VAV3: variants seen among roughly 807,000 people sequenced by gnomAD.
VAV3 encodes the protein vav guanine nucleotide exchange factor 3, also known as guanine nucleotide exchange factor VAV3.
VAV3 carries 94 observed loss-of-function variants against 131.2 expected under a neutral mutation model. That is an observed-to-expected ratio of 0.72 (90% CI 0.61 to 0.85). VAV3 has a LOEUF of 0.85. Among genes scored for constraint, VAV3 ranks in the 40% least tolerant of loss-of-function variants. The probability of loss-of-function intolerance (pLI) is 0.00; values close to 1 mark genes in which losing one functional copy is unlikely to be tolerated. For synonymous variants in VAV3, 349 were observed against 342.0 expected (o/e 1.02, Z -0.22); for missense variants, 939 against 1,002.7 (o/e 0.94, Z 0.86).
At chr1:107,815,260 G>A in intron 2 of VAV3, among the ~76,000 whole-genome samples, 1 of 152,136 alleles carries the variant, frequency 6.6e-6, no homozygotes, top group Non-Finnish European at 1.5e-5. Flanking sequence ...CTATGACCTT[G>A]ACTCAAGACC....
intron 25 of VAV3, among the ~76,000 whole-genome samples, chr1:107,589,049 ACTGACTGC>A (rs1366650225): frequency 1.3e-5 from 2 of 152,194 alleles, no homozygotes; most frequent in Non-Finnish European, 2.9e-5. Flanking sequence ...AATCTCATTC[ACTGACTGC>A]CTGACTGCTG....
chr1:107,606,264 C>A (rs1481510768), intron 22 of VAV3, among the ~76,000 whole-genome samples: 1 of 152,034 alleles, frequency 6.6e-6, no homozygotes, highest in Non-Finnish European at 1.5e-5. Flanking sequence ...AATTATTTTG[C>A]CTCTCAAATA....
chr1:107,887,699 T>C (rs1209112517), intron 1 of VAV3, among the ~76,000 whole-genome samples: 2 of 152,160 alleles, frequency 1.3e-5, no homozygotes, highest in African/African-American at 4.8e-5. Flanking sequence ...CCAGGGTGTA[T>C]AAGTGCCACT....
intron 1 of VAV3, among the ~76,000 whole-genome samples, chr1:107,935,063 C>T (rs1054285589): frequency 6.6e-6 from 1 of 152,158 alleles, no homozygotes; most frequent in African/African-American, 2.4e-5. Context: ...GGCAAGTTTC[C>T]GGTTGGCAAA....
intron 1 of VAV3, among the ~76,000 whole-genome samples, chr1:107,940,212 T>C (rs1205865087): frequency 1.3e-5 from 2 of 152,216 alleles, no homozygotes; most frequent in Non-Finnish European, 2.9e-5. Context: ...GTATAGTTCC[T>C]TCAGAGCCTC....
chr1:107,757,682 T>C lies in VAV3; in HGVS notation c.1018-353A>G, dbSNP rs188013475. Reference sequence around the variant, plus strand: ...GGCTTCAGCTTTTGATTCTTTTAACTGCATCCCTCCTTTCATTTCAGGGAC... The same window carrying C: ...GGCTTCAGCTTTTGATTCTTTTAACCGCATCCCTCCTTTCATTTCAGGGAC... On this transcript the variant is annotated intron_variant, in intron 10 of 26. Transcript: ENST00000370056. Among the ~76,000 whole-genome samples the C allele has an allele frequency of 3.3e-5, 5 of 152,340 alleles. No individual in the cohort carries two copies. The East Asian group carries it at 5.8e-4, about 18-fold the overall frequency.
At chr1:107,698,851 A>G (rs1659902759) in intron 17 of VAV3, among the ~76,000 whole-genome samples, 1 of 152,192 alleles carries the variant, frequency 6.6e-6, no homozygotes, top group Non-Finnish European at 1.5e-5. Context: ...CAGAGCAGGG[A>G]AAACTGCCTT....
At chr1:107,925,795 C>A (rs1021641701) in intron 1 of VAV3, among the ~76,000 whole-genome samples, 1 of 151,372 alleles carries the variant, frequency 6.6e-6, no homozygotes, top group Non-Finnish European at 1.5e-5. Context: ...ATACTTAATG[C>A]TATTGAACTA....
At chr1:107,943,439 C>T (rs1279705008) in intron 1 of VAV3, among the ~76,000 whole-genome samples, 4 of 152,210 alleles carry the variant, frequency 2.6e-5, no homozygotes, top group Non-Finnish European at 1.5e-5. Flanking sequence ...CTTGGCTTGT[C>T]TCTCACAATT....
intron 19 of VAV3, among the ~76,000 whole-genome samples, chr1:107,676,200 T>TC (rs1442873019): frequency 1.3e-5 from 2 of 152,200 alleles, no homozygotes; most frequent in Admixed American, 1.3e-4. Context: ...ACAAGCTAGT[T>TC]CAATCCCACT....
intron 1 of VAV3, among the ~76,000 whole-genome samples, chr1:107,894,813 T>C (rs1414646847): frequency 6.6e-6 from 1 of 152,196 alleles, no homozygotes; most frequent in Non-Finnish European, 1.5e-5. Flanking sequence ...GTACCCCTAA[T>C]GACAGAGGAG....
intron 2 of VAV3, among the ~76,000 whole-genome samples, chr1:107,830,173 A>G (rs987377367): frequency 2.6e-5 from 4 of 152,240 alleles, no homozygotes; most frequent in African/African-American, 9.6e-5. Flanking sequence ...ACATAAGATC[A>G]TGCACTATTT....
intron 15 of VAV3, among the ~76,000 whole-genome samples, chr1:107,740,868 T>C (rs1386638418): frequency 2.0e-5 from 3 of 152,222 alleles, no homozygotes; most frequent in African/African-American, 2.4e-5. Flanking sequence ...CTCTGACAGA[T>C]ACCATATGGC....
At chr1:107,641,133 G>T (rs1381159331) in intron 20 of VAV3, among the ~76,000 whole-genome samples, 1 of 152,104 alleles carries the variant, frequency 6.6e-6, no homozygotes, top group Non-Finnish European at 1.5e-5. Flanking sequence ...TGGAAGGAGT[G>T]GGATACTTAA....
At chr1:107,746,648 G>A (rs769539707) in intron 15 of VAV3, among the ~76,000 whole-genome samples, 8 of 152,090 alleles carry the variant, frequency 5.3e-5, no homozygotes, top group Non-Finnish European at 1.0e-4. Flanking sequence ...TAGAATAAAG[G>A]TTTTATTTGC....
chr1:107,584,847 G>A (rs929722445), intron 25 of VAV3, among the ~76,000 whole-genome samples: 1 of 152,142 alleles, frequency 6.6e-6, no homozygotes, highest in African/African-American at 2.4e-5. Context: ...AGGGATTTCA[G>A]ATTATTTATA....
chr1:107,883,725 G>A (rs1165697690), intron 1 of VAV3, among the ~76,000 whole-genome samples: 3 of 151,934 alleles, frequency 2.0e-5, no homozygotes, highest in Admixed American at 1.3e-4. Flanking sequence ...TGATTTTCAG[G>A]GGCCCTTGGC....
intron 20 of VAV3, among the ~76,000 whole-genome samples, chr1:107,621,418 G>T (rs1046654550): frequency 7.2e-5 from 11 of 151,962 alleles, no homozygotes; most frequent in African/African-American, 2.7e-4. Context: ...GTAGTGTGTA[G>T]GAGGGCTTTC....
At chr1:107,762,456 T>C (rs1664496757) in intron 9 of VAV3, among the ~76,000 whole-genome samples, 1 of 152,200 alleles carries the variant, frequency 6.6e-6, no homozygotes, top group Admixed American at 6.5e-5. Flanking sequence ...CTGCAGTTCA[T>C]TAGAAGGATA....
Sources: allele counts gnomAD v4.1 joint callset (sites outside exome capture counted in the v4.1 genomes callset), GRCh38; gene constraint gnomAD v4.1.1; transcripts MANE v1.5; gene names NCBI Gene and HGNC (gene_info 2026-07-23, HGNC 2026-07-21).